The following SCARF2 variants were observed in gnomAD, a reference collection of about 807,000 sequenced individuals.
The protein encoded by SCARF2 is scavenger receptor expressed by endothelial cells 2 protein.
A neutral mutation model predicts 73.4 loss-of-function variants in SCARF2; 39 were observed. The observed-to-expected ratio is 0.53, with a 90% confidence interval of 0.41 to 0.69. SCARF2 has a LOEUF of 0.69. Among genes scored for constraint, SCARF2 ranks in the 30% least tolerant of loss-of-function variants. The pLI is 0.00. For missense variants in SCARF2, 1,148 were observed against 1,303.5 expected, an observed-to-expected ratio of 0.88 and a Z score of 1.84; for synonymous variants, 605 against 590.0, an observed-to-expected ratio of 1.03 and a Z score of -0.37.
chr22:20,434,749 G>A (rs1471462214), intron 1 of SCARF2, among the ~76,000 whole-genome samples: 1 of 152,216 alleles, frequency 6.6e-6, no homozygotes, highest in East Asian at 1.9e-4. Flanking sequence ...CTCCCTCGTA[G>A]AGCATTAGTT....
In SCARF2 at chr22:20,432,034, C is replaced by G. The variant is rs754204497; in HGVS notation, c.174-46G>C. On this transcript the variant is annotated intron_variant, in intron 1 of 10. Transcript: ENST00000622235. Reference sequence around the variant, plus strand: ...TCTAAGCCCGATGCCCCTCCCCCAGCCCCCATCTGCTCCGGGCTCCTCCGC... The same window carrying G: ...TCTAAGCCCGATGCCCCTCCCCCAGGCCCCATCTGCTCCGGGCTCCTCCGC... The G allele has an allele frequency of 8.3e-6, 13 of 1,569,914 alleles. No homozygotes were observed. In the South Asian group the frequency reaches 1.5e-4, roughly 18 times the overall value.
chr22:20,434,571 G>A (rs79019227), intron 1 of SCARF2, among the ~76,000 whole-genome samples: 345 of 152,332 alleles, frequency 2.3e-3, no homozygotes, highest in African/African-American at 7.4e-3. Context: ...AGAAAAGGCC[G>A]GGTGGTGGTG....
At position 20,430,443 on chromosome 22, in the gene SCARF2, G is replaced by C. The variant is rs780438908; in HGVS notation, c.1188C>G (p.Gly396=). Residue 396 remains glycine, a synonymous_variant, in exon 6 of 11, where the codon GGC becomes GGG. Coordinates refer to ENST00000622235, the MANE Select transcript of SCARF2 (RefSeq NM_182895.5). The part of the protein sequence containing the change: ...FQSGRCLCSP[G]VHGPHCNVTC... ...GGGGCACTCACTGGGGCCCGTGGAC[G>C]CCAGGGCTGCACAGGCAGCGCCCCG... is the stretch of plus-strand genomic sequence containing the variant. 1.3e-6 allele frequency: 2 copies of C among 1,591,232 alleles called. No individual in the cohort carries two copies. Among genetic ancestry groups the C allele is most frequent in the Non-Finnish European group, 1.7e-6 (2 of 1,169,540 alleles).
In SCARF2 at chr22:20,430,446, A is replaced by G. The variant is rs1439914445; in HGVS notation, c.1185T>C (p.Pro395=). The G allele has an allele frequency of 6.3e-7, 1 of 1,591,492 alleles. No individual in the cohort carries two copies. The highest frequency in any genetic ancestry group is 1.3e-5 in the African/African-American group (1 of 74,424). Residue 395 remains proline (P), a synonymous_variant, in exon 6 of 11, where the codon CCT becomes CCC. Transcript: ENST00000622235. ...GCACTCACTGGGGCCCGTGGACGCC[A>G]GGGCTGCACAGGCAGCGCCCCGACT... ...DFQSGRCLCS[P]GVHGPHCNVT... is the part of the protein sequence containing the mutation.
chr22:20,432,410 G>C (rs1238393874), intron 1 of SCARF2, among the ~76,000 whole-genome samples: 3 of 152,202 alleles, frequency 2.0e-5, no homozygotes, highest in Non-Finnish European at 2.9e-5. Context: ...CAGATGTCAT[G>C]TGATGTGACA....
At chr22:20,430,207 G>A (rs867049145) in intron 6 of SCARF2, among the ~76,000 whole-genome samples, 1 of 152,200 alleles carries the variant, frequency 6.6e-6, no homozygotes, top group Non-Finnish European at 1.5e-5. Context: ...AGAGCCCACT[G>A]ACACAGGCTG....
At position 20,425,385 on chromosome 22, in the gene SCARF2, G is replaced by A. The variant is rs779287516; in HGVS notation, c.2591C>T (p.Pro864Leu). 22 of 1,426,652 alleles carry A rather than the reference G, an allele frequency of 1.5e-5. No homozygotes were observed. The highest frequency in any genetic ancestry group is 7.4e-6 in the Non-Finnish European group (8 of 1,086,740). The allele number at this position is 1,426,652 out of a possible 1,614,324, so 88.4% of individuals were successfully genotyped here. A position where few individuals can be genotyped will look rare whatever the true frequency, so the allele number is the denominator to read the frequency against. The change falls in exon 11 of 11, where the codon CCC (proline) becomes CTC (leucine). Residue 864 changes from proline to leucine, a missense_variant. By Grantham distance (98) the Pro-to-Leu change is moderately conservative. Around this residue, in one of 5 missense-constraint regions of SCARF2, gnomAD observed 169 missense variants for 136.9 expected, o/e 1.23. Transcript: ENST00000622235. This position sits in a 1 kb window ranked among gnomAD's most constrained non-coding sequence, Gnocchi z 4.6. ...ACGAGCCACAGCCTGCTACAGGGTGGGTGCGCCCGCCCTGCCCAGCTCGCC... is the reference window on the plus strand; with the variant it reads ...ACGAGCCACAGCCTGCTACAGGGTGAGTGCGCCCGCCCTGCCCAGCTCGCC... ...AAGELGRAGA[P>L]TL is the part of the protein sequence containing the mutation.
In SCARF2 at chr22:20,437,589, C is replaced by A; in HGVS notation, c.166G>T (p.Ala56Ser). 1.3e-6 allele frequency: 2 copies of A among 1,574,548 alleles called. No individual in the cohort carries two copies. Among genetic ancestry groups the A allele is most frequent in the East Asian group, 2.3e-5 (1 of 42,964 alleles). ...LNPRGRNVCR[A>S]PGSQVPTCCA... ...AGCCAGGCCGGCTCCTACCCGGGAG[C>A]ACGGCACACGTTGCGGCCGCGAGGG... The change falls in exon 1 of 11, where the codon GCT (alanine) becomes TCT (serine). Residue 56 changes from alanine to serine, a missense_variant. This residue lies in a region of SCARF2 where 124 missense variants were observed against 120.4 expected (regional missense o/e 1.03). Transcript: ENST00000622235.
Position 20,430,853 on chromosome 22 carries a change from T to C in SCARF2, c.910A>G (p.Thr304Ala). The C allele has an allele frequency of 6.2e-7, 1 of 1,606,880 alleles. No individual in the cohort carries two copies. Among genetic ancestry groups the C allele is most frequent in the Admixed American group, 1.7e-5 (1 of 59,560 alleles). Residue 304 changes from threonine (T) to alanine (A), a missense_variant, in exon 5 of 11, where the codon ACG (threonine) becomes GCG (alanine). By Grantham distance (58) the Thr-to-Ala change is moderately conservative (BLOSUM62 0). Transcript: ENST00000622235. ...GTTCCGTTCCAGCCGGGCTCGCACG[T>C]CAAGCAGCGGCCCTCGGCCACCGTG... ...PCTVAEGRCL[T>A]CEPGWNGTKC...
chr22:20,429,380 C>A lies in SCARF2; in HGVS notation c.1425-40G>T. ...TCTGAGCGGAGGGGCGGGGCCGGGG[C>A]GGGGCCCAGGGGCGATTAGATCTCG... is the stretch of plus-strand genomic sequence containing the variant. On this transcript the variant is annotated intron_variant, in intron 8 of 10. Transcript: ENST00000622235. The surrounding 1 kb of genome is among the most constrained non-coding windows in gnomAD (Gnocchi z 5.2). 2.0e-6 allele frequency: 1 copy of A among 511,606 alleles called. No homozygotes were observed. Among genetic ancestry groups the A allele is most frequent in the Non-Finnish European group, 3.4e-6 (1 of 291,440 alleles). The allele number at this position is 511,606 out of a possible 1,614,324, so 31.7% of individuals were successfully genotyped here.
At position 20,428,321 on chromosome 22, in the gene SCARF2, C is replaced by T. The variant is rs1373583794; in HGVS notation, c.1541-771G>A. Among the ~76,000 whole-genome samples the T allele has an allele frequency of 2.1e-5, 3 of 143,740 alleles. No homozygotes were observed. In the Admixed American group the frequency reaches 2.2e-4, roughly 11 times the overall value. The allele number at this position is 143,740 out of a possible 152,430, so 94.3% of individuals were successfully genotyped here. On this transcript the variant is annotated intron_variant, in intron 9 of 10. Coordinates refer to ENST00000622235, the MANE Select transcript of SCARF2 (RefSeq NM_182895.5). The stretch of plus-strand genomic sequence containing the variant: ...TCTCTTTTTTCTTGACAGTTTTGCT[C>T]TTGTTGCCCAGGCTGGAGTGCAATG...
intron 10 of SCARF2, 78 bp from the exon 11 acceptor site, chr22:20,426,360 C>T: frequency 6.8e-7 from 1 of 1,473,846 alleles, no homozygotes; most frequent in East Asian, 2.5e-5. Flanking sequence ...CAAACCTTCA[C>T]CTTTCCTCCT....
chr22:20,430,600 CG>C (rs1569108914), intron 5 of SCARF2, 43 bp from the exon 6 acceptor site: 2 of 1,611,016 alleles, frequency 1.2e-6, no homozygotes, highest in Admixed American at 3.3e-5. Flanking sequence ...TGGAGGCAAA[CG>C]GACCACAGCG....
rs1449652694 is a variant in SCARF2 at position 20,424,599 on chromosome 22, TTTA to T, written c.*773_*775del. Among the ~76,000 whole-genome samples, 1 of 152,138 alleles carries T rather than the reference TTTA, an allele frequency of 6.6e-6. No individual in the cohort carries two copies. Among genetic ancestry groups the T allele is most frequent in the East Asian group, 1.9e-4 (1 of 5,182 alleles). On this transcript the variant is annotated 3_prime_UTR_variant, in exon 11 of 11. Coordinates refer to ENST00000622235, the MANE Select transcript of SCARF2 (RefSeq NM_182895.5). ...GATCAGAGCATGAGGGGAAAGGCAT[TTTA>T]TTAAGAAAGCTTTGGCCAAGCCCCC... is the stretch of plus-strand genomic sequence containing the variant.
rs1410236730 is a variant in SCARF2 at position 20,430,776 on chromosome 22, G to A, written c.987C>T (p.His329=). 7 of 1,606,298 alleles carry A rather than the reference G, an allele frequency of 4.4e-6. No individual in the cohort carries two copies. In the African/African-American group the frequency reaches 8.0e-5, roughly 18 times the overall value. The part of the protein sequence containing the change: ...ATGFYGEGCS[H]RCPPCRDGHA... ...GCCCGTCGCGGCATGGCGGACAGCGGTGGCTGCAGCCCTCGCCATAGAAAC... is the reference window on the plus strand; with the variant it reads ...GCCCGTCGCGGCATGGCGGACAGCGATGGCTGCAGCCCTCGCCATAGAAAC... The change falls in exon 5 of 11, where the codon CAC becomes CAT. Residue 329 remains histidine, a synonymous_variant. Transcript: ENST00000622235.
chr22:20,427,575 C>T, intron 9 of SCARF2, 25 bp from the exon 10 acceptor site: 1 of 1,611,246 alleles, frequency 6.2e-7, no homozygotes, highest in Non-Finnish European at 8.5e-7. Context: ...GGCAGAGCTG[C>T]CAGGGGTCCA....
Position 20,425,803 on chromosome 22 carries a change from C to A in SCARF2, c.2173G>T (p.Gly725Trp), listed in dbSNP as rs755214686. ...AGGGCTGTCGCCTCCTCGGGCAGCC[C>A]GGGGGGCCGCGGCGTTGGGTCGCGG... is the stretch of plus-strand genomic sequence containing the variant. ...RTRDPTPRPPGLPEEATALAA... is the reference protein window; with the variant it reads ...RTRDPTPRPPWLPEEATALAA... The change falls in exon 11 of 11, where the codon GGG becomes TGG. Residue 725 changes from glycine (G) to tryptophan (W), a missense_variant. Physicochemically the swap from Gly to Trp is radical, Grantham distance 184 (BLOSUM62 -2). Transcript: ENST00000622235. This position sits in a 1 kb window ranked among gnomAD's most constrained non-coding sequence, Gnocchi z 4.6. 6.6e-7 allele frequency: 1 copy of A among 1,511,826 alleles called. No homozygotes were observed. Among genetic ancestry groups the A allele is most frequent in the Non-Finnish European group, 8.8e-7 (1 of 1,136,578 alleles). 93.7% of individuals were successfully genotyped at this position (1,511,826 alleles called of 1,614,324 possible). A position where few individuals can be genotyped will look rare whatever the true frequency, so the allele number is the denominator to read the frequency against.
Position 20,426,267 on chromosome 22 carries a change from C to T in SCARF2, c.1709G>A (p.Ser570Asn), listed in dbSNP as rs765744288. ...CVPHEEAPAE[S>N]RDPEVPTVPA... ...GACAGTGGGGACTTCGGGGTCCCGG[C>T]TCTCCGCTGGTGCCTCTGGCAAGGG... The change falls in exon 11 of 11, where the codon AGC becomes AAC. Residue 570 changes from serine (S) to asparagine (N), a missense_variant. Physicochemically the swap from Ser to Asn is conservative, Grantham distance 46. Around this residue, in one of 5 missense-constraint regions of SCARF2, gnomAD observed 437 missense variants for 433.6 expected, o/e 1.01. Coordinates refer to ENST00000622235, the MANE Select transcript of SCARF2 (RefSeq NM_182895.5). 17 of 1,534,554 alleles carry T rather than the reference C, an allele frequency of 1.1e-5. No homozygotes were observed. The highest frequency in any genetic ancestry group is 1.5e-5 in the Non-Finnish European group (17 of 1,146,782).
Position 20,431,557 on chromosome 22 carries a change from G to T in SCARF2, c.335-20C>A, listed in dbSNP as rs763001539. 2.2e-5 allele frequency: 34 copies of T among 1,560,064 alleles called. No individual in the cohort carries two copies. Among genetic ancestry groups the T allele is most frequent in the South Asian group, 1.8e-4 (15 of 85,554 alleles). ...GGCACTCTGCAGGGGAGGAGCGGAG[G>T]GGGTGGAAGGCCCCGGTGCTTGAGT... On this transcript the variant is annotated intron_variant, in intron 3 of 10. Transcript: ENST00000622235.
Sources: allele counts gnomAD v4.1 joint callset (sites outside exome capture counted in the v4.1 genomes callset), GRCh38; gene constraint gnomAD v4.1.1; regional missense constraint gnomAD v4.1.1; non-coding constraint Gnocchi (gnomAD v3.1); transcripts MANE v1.5; gene names NCBI Gene and HGNC (gene_info 2026-07-23, HGNC 2026-07-21).